WDFY3: variants seen among roughly 807,000 people sequenced by gnomAD.
The protein encoded by WDFY3 is WD repeat and FYVE domain-containing protein 3.
WDFY3 carries 66 observed loss-of-function variants against 409.6 expected under a neutral mutation model. The ratio of observed to expected loss-of-function variants is 0.16; its 90% CI spans 0.13 to 0.20. WDFY3 has a LOEUF of 0.20. WDFY3 is among the 10% of genes least tolerant of loss of function. The pLI, the probability that WDFY3 is intolerant of heterozygous loss-of-function variation, is 1.00. For missense variants in WDFY3, 3,031 were observed against 4,298.1 expected, an observed-to-expected ratio of 0.71 and a Z score of 8.24; for synonymous variants, 1,521 against 1,537.1, an observed-to-expected ratio of 0.99 and a Z score of 0.25.
At chr4:84,742,010 A>T in intron 37 of WDFY3, 89 bp from the exon 38 acceptor site, 1 of 1,287,486 alleles carries the variant, frequency 7.8e-7, no homozygotes, top group Non-Finnish European at 1.0e-6. Flanking sequence ...GCTAAGGTAA[A>T]ATAAGTGTAT....
intron 38 of WDFY3, among the ~76,000 whole-genome samples, chr4:84,741,089 G>C (rs896537587): frequency 6.6e-6 from 1 of 152,174 alleles, no homozygotes; most frequent in South Asian, 2.1e-4. Context: ...ACTTTGTAAA[G>C]ATTCAACTGA....
intron 19 of WDFY3, among the ~76,000 whole-genome samples, chr4:84,795,744 A>G (rs1165702334): frequency 6.6e-6 from 1 of 151,910 alleles, no homozygotes; most frequent in Non-Finnish European, 1.5e-5. Flanking sequence ...CCTGGGTGAC[A>G]GGGCAAGACT....
intron 25 of WDFY3, 103 bp downstream of exon 25, chr4:84,782,860 C>T (rs1578494763): frequency 2.1e-6 from 2 of 930,474 alleles, no homozygotes; most frequent in Non-Finnish European, 3.4e-6. Context: ...TAGGTCAGTG[C>T]TATTAAAATA....
intron 7 of WDFY3, among the ~76,000 whole-genome samples, chr4:84,832,690 ATTATG>A (rs901189625): frequency 1.1e-4 from 16 of 152,178 alleles, no homozygotes; most frequent in African/African-American, 3.1e-4. Context: ...TAAATGGCTG[ATTATG>A]TTATGACAGT....
intron 3 of WDFY3, among the ~76,000 whole-genome samples, chr4:84,891,375 A>C (rs1419356557): frequency 1.3e-5 from 2 of 152,332 alleles, no homozygotes; most frequent in East Asian, 3.9e-4. Flanking sequence ...TCAACCAAAA[A>C]AAAAGAAACC....
At chr4:84,716,785 T>G in intron 49 of WDFY3, 111 bp downstream of exon 49, 1 of 933,190 alleles carries the variant, frequency 1.1e-6, no homozygotes, top group Non-Finnish European at 1.3e-6. Context: ...GGCGACAGAG[T>G]GAGACTCTGT....
intron 21 of WDFY3, 149 bp downstream of exon 21, chr4:84,794,370 T>C (rs536805542): frequency 8.7e-6 from 7 of 805,300 alleles, no homozygotes; most frequent in Non-Finnish European, 1.3e-5. Context: ...AATTCACTGG[T>C]AAGCAATATT....
chr4:84,784,923 C>T (rs1747286205), intron 24 of WDFY3, among the ~76,000 whole-genome samples: 1 of 145,636 alleles, frequency 6.9e-6, no homozygotes, highest in Non-Finnish European at 1.5e-5. Context: ...CACACACATA[C>T]ACACCTTGAA....
rs1427523376 is a variant in WDFY3 at position 84,780,260 on chromosome 4, A to G, written c.4213T>C (p.Leu1405=). 6.2e-7 allele frequency: 1 copy of G among 1,613,456 alleles called. No homozygotes were observed. The highest frequency in any genetic ancestry group is 2.2e-5 in the East Asian group (1 of 44,872). Reference sequence around the variant, plus strand: ...GCTGCAGCTCCACCAACGTACTGCAAAGTAGTGGCAACAGGCTTAGGGACA... The same window carrying G: ...GCTGCAGCTCCACCAACGTACTGCAGAGTAGTGGCAACAGGCTTAGGGACA... ...TFVPKPVATT[L]QYVGGAAAIL... Residue 1405 remains leucine, a synonymous_variant, in exon 26 of 68, where the codon TTG becomes CTG. Transcript: ENST00000295888.
At chr4:84,749,145 C>T (rs763378193) in intron 36 of WDFY3, among the ~76,000 whole-genome samples, 2 of 152,058 alleles carry the variant, frequency 1.3e-5, no homozygotes, top group Non-Finnish European at 2.9e-5. Context: ...CTTGACCTCC[C>T]AAAGAAAGTG....
rs371319772 is a variant in WDFY3 at position 84,693,809 on chromosome 4, C to T, written c.8902-777G>A. 4.4e-4 allele frequency among the ~76,000 whole-genome samples: 67 copies of T among 151,420 alleles called. No homozygotes were observed. In the South Asian group the frequency reaches 0.014, roughly 31 times the overall value. ...ACTTGGGAGGGTGAGGCAGGAGAATCGCTTGAACCCAGGAGGTGGAGGTTG... is the reference window on the plus strand; with the variant it reads ...ACTTGGGAGGGTGAGGCAGGAGAATTGCTTGAACCCAGGAGGTGGAGGTTG... On this transcript the variant is annotated intron_variant, in intron 58 of 67. Coordinates refer to ENST00000295888, the MANE Select transcript of WDFY3 (RefSeq NM_014991.6).
At chr4:84,797,584 A>ATTTAT (rs1749685681) in intron 18 of WDFY3, among the ~76,000 whole-genome samples, 1 of 150,948 alleles carries the variant, frequency 6.6e-6, no homozygotes, top group Non-Finnish European at 1.5e-5. Flanking sequence ...TTATTTATTT[A>ATTTAT]TTTATTTATT....
chr4:84,875,249 C>G (rs1762616152), intron 3 of WDFY3, among the ~76,000 whole-genome samples: 1 of 144,726 alleles, frequency 6.9e-6, no homozygotes, highest in African/African-American at 2.6e-5. Context: ...GCCTGGGGTA[C>G]CGAGCAAGAC....
intron 2 of WDFY3, among the ~76,000 whole-genome samples, chr4:84,914,680 G>T (rs1056801283): frequency 6.6e-6 from 1 of 152,098 alleles, no homozygotes; most frequent in Non-Finnish European, 1.5e-5. Flanking sequence ...CCAAAAAAAT[G>T]GAAAATAACA....
At chr4:84,680,282 A>G (rs941736412) in intron 64 of WDFY3, among the ~76,000 whole-genome samples, 1 of 151,084 alleles carries the variant, frequency 6.6e-6, no homozygotes, top group Non-Finnish European at 1.5e-5. Flanking sequence ...CTTATTTTTA[A>G]TTTTTATTTA....
chr4:84,675,031 C>T (rs868791383), intron 67 of WDFY3, among the ~76,000 whole-genome samples: 5 of 151,222 alleles, frequency 3.3e-5, no homozygotes, highest in East Asian at 4.0e-4. Flanking sequence ...AGTGCAGTGG[C>T]GTGATCTCGG....
intron 50 of WDFY3, among the ~76,000 whole-genome samples, chr4:84,714,078 T>C (rs1298391293): frequency 1.3e-5 from 2 of 151,802 alleles, no homozygotes; most frequent in Non-Finnish European, 2.9e-5. Context: ...ATTGCGCCAC[T>C]GCACTCCAGC....
intron 53 of WDFY3, 121 bp downstream of exon 53, chr4:84,708,788 C>G (rs1010595722): frequency 9.0e-6 from 10 of 1,105,596 alleles, no homozygotes; most frequent in Non-Finnish European, 1.3e-5. Context: ...TGATTCGCCT[C>G]TCTTAGCCTC....
rs189198849 is a variant in WDFY3, at chr4:84,686,212, C to A, written c.9543+1874G>T. Among the ~76,000 whole-genome samples, 622 of 152,032 alleles carry A rather than the reference C, an allele frequency of 4.1e-3. 4 individuals are homozygous for A. The highest frequency in any genetic ancestry group is 0.014 in the African/African-American group (582 of 41,454). On this transcript the variant is annotated intron_variant, in intron 62 of 67. Transcript: ENST00000295888. ...TCCCAGCTACTCAGGAGGCTGAGGC[C>A]GGAGAATGGCGTGAACCCGGGAGGT... is the stretch of plus-strand genomic sequence containing the variant.
Sources: allele counts gnomAD v4.1 joint callset (sites outside exome capture counted in the v4.1 genomes callset), GRCh38; gene constraint gnomAD v4.1.1; transcripts MANE v1.5; gene names NCBI Gene and HGNC (gene_info 2026-07-23, HGNC 2026-07-21).